The following SMYD3 variants were observed in gnomAD, a reference collection of about 807,000 sequenced individuals.
The protein encoded by SMYD3 is histone-lysine N-methyltransferase SMYD3.
In SMYD3, 36 loss-of-function variants were observed where a neutral mutation model predicts 57.7. The ratio of observed to expected loss-of-function variants is 0.62; its 90% CI spans 0.48 to 0.82. SMYD3 has a LOEUF of 0.82. SMYD3 is among the 40% of genes least tolerant of loss of function. SMYD3 has a pLI of 0.00. For synonymous variants in SMYD3, 211 were observed against 195.0 expected (o/e 1.08, Z -0.68); for missense variants, 515 against 538.8 (o/e 0.96, Z 0.44).
chr1:245,878,825 G>C (rs1451419161), intron 8 of SMYD3, among the ~76,000 whole-genome samples: 1 of 152,166 alleles, frequency 6.6e-6, no homozygotes, highest in Admixed American at 6.5e-5. Context: ...GGTTGGAGAG[G>C]GACAACGCAG....
In SMYD3 at chr1:246,203,575, T is replaced by C. The variant is rs2062952358; in HGVS notation, c.531+123626A>G. On this transcript the variant is annotated intron_variant, in intron 5 of 11. Transcript: ENST00000490107. This position sits in a 1 kb window ranked among gnomAD's most constrained non-coding sequence, Gnocchi z 4.6. ...ACACGGCAGTCCCTCTGCGCACATG[T>C]GCTGTTGGTGTCTCTTCCTCTTCCT... Among the ~76,000 whole-genome samples the C allele has an allele frequency of 6.6e-6, 1 of 152,178 alleles. No individual in the cohort carries two copies. The highest frequency in any genetic ancestry group is 2.1e-4 in the South Asian group (1 of 4,822).
intron 5 of SMYD3, among the ~76,000 whole-genome samples, chr1:246,124,348 AAAAGAAAG>A (rs34299909): frequency 2.6e-5 from 4 of 151,938 alleles, no homozygotes; most frequent in African/African-American, 7.3e-5. Context: ...AATGAATAAA[AAAAGAAAG>A]AAAGAAAGAA....
At chr1:246,003,570 C>T (rs1377670789) in intron 5 of SMYD3, among the ~76,000 whole-genome samples, 2 of 152,146 alleles carry the variant, frequency 1.3e-5, no homozygotes, top group Admixed American at 6.5e-5. Context: ...TCTTCCCACC[C>T]CATTTTGAAC....
intron 10 of SMYD3, among the ~76,000 whole-genome samples, chr1:245,822,409 AG>A (rs2049216072): frequency 2.7e-5 from 2 of 73,608 alleles, no homozygotes; most frequent in East Asian, 4.0e-4. Context: ...GGGTAGGGGG[AG>A]GGGGGAGGGA....
At chr1:246,462,200 TCCCGCGGGGC>T (rs2067808440) in intron 1 of SMYD3, among the ~76,000 whole-genome samples, 1 of 107,542 alleles carries the variant, frequency 9.3e-6, no homozygotes, top group Non-Finnish European at 2.0e-5. Flanking sequence ...CAGTGCATCC[TCCCGCGGGGC>T]CTGCTGGGTA....
At chr1:245,783,455 A>C (rs143905227) in intron 10 of SMYD3, among the ~76,000 whole-genome samples, 1 of 152,180 alleles carries the variant, frequency 6.6e-6, no homozygotes, top group Non-Finnish European at 1.5e-5. Flanking sequence ...GCAAACATTA[A>C]TGCTGAATGC....
chr1:246,143,512 C>CA (rs888784798), intron 5 of SMYD3, among the ~76,000 whole-genome samples: 5 of 152,140 alleles, frequency 3.3e-5, no homozygotes, highest in Admixed American at 1.3e-4. Context: ...ACTAAAAATA[C>CA]AAAAAATCAG....
In SMYD3 at chr1:245,996,925, G is replaced by A. The variant is rs182283339; in HGVS notation, c.532-66988C>T. Among the ~76,000 whole-genome samples the A allele has an allele frequency of 2.5e-3, 374 of 152,302 alleles. 1 individual carries two copies. Among genetic ancestry groups the A allele is most frequent in the African/African-American group, 8.8e-3 (365 of 41,560 alleles). On this transcript the variant is annotated intron_variant, in intron 5 of 11. Transcript: ENST00000490107. ...CCTCTGTGCTTTCCATGAAGAAGTC[G>A]GCCCCAGAACATGACCTGCATCTCA...
intron 11 of SMYD3, among the ~76,000 whole-genome samples, chr1:245,755,686 T>C (rs140520333): frequency 6.6e-6 from 1 of 152,340 alleles, no homozygotes; most frequent in East Asian, 1.9e-4. Context: ...TCTACTTTAC[T>C]TAATATTGAT....
intron 1 of SMYD3, among the ~76,000 whole-genome samples, chr1:246,413,090 A>C (rs1478184674): frequency 6.6e-6 from 1 of 152,124 alleles, no homozygotes; most frequent in Non-Finnish European, 1.5e-5. Flanking sequence ...AATTTGTCTA[A>C]TTCTATTACA....
At chr1:245,772,176 C>T (rs903663713) in intron 10 of SMYD3, among the ~76,000 whole-genome samples, 2 of 152,234 alleles carry the variant, frequency 1.3e-5, no homozygotes, top group Non-Finnish European at 2.9e-5. Flanking sequence ...TGGATCTGCA[C>T]TCCCCCATCT....
chr1:245,879,959 CCA>C (rs1369198905), intron 8 of SMYD3, among the ~76,000 whole-genome samples: 1 of 145,780 alleles, frequency 6.9e-6, no homozygotes, highest in East Asian at 2.1e-4. Flanking sequence ...GCTGTACACA[CCA>C]GAGATAGCAC....
intron 10 of SMYD3, among the ~76,000 whole-genome samples, chr1:245,835,002 T>C (rs992615680): frequency 1.3e-5 from 2 of 152,148 alleles, no homozygotes; most frequent in African/African-American, 4.8e-5. Flanking sequence ...AGGGCAACTA[T>C]TCCTTTCATT....
chr1:245,993,663 C>CAGACAGACAGAT lies in SMYD3; in HGVS notation c.532-63727_532-63726insATCTGTCTGTCT, dbSNP rs1558566388. 4.9e-5 allele frequency among the ~76,000 whole-genome samples: 6 copies of CAGACAGACAGAT among 123,574 alleles called. No individual in the cohort carries two copies. In the South Asian group the frequency reaches 8.9e-4, roughly 18 times the overall value. 81.1% of individuals were successfully genotyped at this position (123,574 alleles called of 152,430 possible). On this transcript the variant is annotated intron_variant, in intron 5 of 11. Transcript: ENST00000490107. ...ACAGACAGACAGACAGACAGACAGA[C>CAGACAGACAGAT]AGATATAGATTCCATTTACATGAGG...
intron 5 of SMYD3, among the ~76,000 whole-genome samples, chr1:246,214,443 A>G (rs10924555): frequency 0.27 from 40,412 of 152,112 alleles, 6,104 homozygotes; most frequent in East Asian, 0.58. Flanking sequence ...AAACAAAGGA[A>G]AAAAGACAAA....
At chr1:246,082,034 T>A (rs973738200) in intron 5 of SMYD3, among the ~76,000 whole-genome samples, 1 of 152,338 alleles carries the variant, frequency 6.6e-6, no homozygotes, top group Non-Finnish European at 1.5e-5. Context: ...ACTAACTTTA[T>A]CTTGCTTCTA....
chr1:246,264,638 T>C (rs1286929556), intron 5 of SMYD3, among the ~76,000 whole-genome samples: 1 of 152,222 alleles, frequency 6.6e-6, no homozygotes, highest in Non-Finnish European at 1.5e-5. Context: ...TCTATGGGAA[T>C]TGCAGGTACC....
intron 5 of SMYD3, among the ~76,000 whole-genome samples, chr1:246,247,730 G>A (rs1425712915): frequency 6.6e-6 from 1 of 151,824 alleles, no homozygotes; most frequent in South Asian, 2.1e-4. Flanking sequence ...AAATAGAAAC[G>A]ACAGTTAACA....
chr1:246,224,731 C>A (rs2063303576), intron 5 of SMYD3, among the ~76,000 whole-genome samples: 2 of 151,844 alleles, frequency 1.3e-5, no homozygotes, highest in Non-Finnish European at 2.9e-5. Flanking sequence ...GCAGGGGAAA[C>A]AGACTTTAGA....
Sources: gnomAD v4.1 joint callset for allele counts (sites outside exome capture counted in the v4.1 genomes callset) on GRCh38, gnomAD v4.1.1 for gene constraint, Gnocchi (gnomAD v3.1) non-coding constraint, MANE v1.5 for transcripts, NCBI Gene and HGNC (gene_info 2026-07-23, HGNC 2026-07-21) for gene names.